Variants in PCBP3 observed in about 807,000 individuals in gnomAD.
PCBP3 encodes the protein poly(rC) binding protein 3.
A neutral mutation model predicts 52.7 loss-of-function variants in PCBP3; 25 were observed. The observed-to-expected ratio is 0.47, with a 90% CI of 0.35 to 0.66. The LOEUF (loss-of-function observed/expected upper bound fraction) is 0.66. Among genes scored for constraint, PCBP3 ranks in the 30% least tolerant of loss-of-function variants. The pLI, the probability that PCBP3 is intolerant of heterozygous loss-of-function variation, is 0.01. For synonymous variants in PCBP3, 162 were observed against 183.0 expected (o/e 0.89, Z 0.93); for missense variants, 391 against 490.3 (o/e 0.80, Z 1.91).
chr21:45,654,578 A>T (rs2079893991), intron 1 of PCBP3, among the ~76,000 whole-genome samples: 1 of 152,136 alleles, frequency 6.6e-6, no homozygotes, highest in Non-Finnish European at 1.5e-5. Flanking sequence ...TGACCTCGTG[A>T]TCTGCCCACC....
chr21:45,780,806 G>A lies in PCBP3; in HGVS notation c.-126+25354G>A, dbSNP rs181976052. 2.6e-4 allele frequency among the ~76,000 whole-genome samples: 40 copies of A among 152,332 alleles called. 1 individual carries two copies. The highest frequency in any genetic ancestry group is 2.2e-3 in the Admixed American group (34 of 15,304). ...GCAGGTGGGGAGCAAGAGAGAGAGA[G>A]AGCCAGGGACCGATGCGCCAACACT... is the stretch of plus-strand genomic sequence containing the variant. On this transcript the variant is annotated intron_variant, in intron 4 of 17. Coordinates refer to ENST00000681687, the MANE Select transcript of PCBP3 (RefSeq NM_001384156.1).
In PCBP3 at chr21:45,710,854, C is replaced by T. The variant is rs117661702; in HGVS notation, c.-199-24538C>T. 1.8e-3 allele frequency among the ~76,000 whole-genome samples: 270 copies of T among 152,266 alleles called. 2 individuals are homozygous for T. The East Asian group carries it at 0.043, about 24-fold the overall frequency. ...AATCATTTATTTATTTAAGCATGAA[C>T]GCATGGATTTAAAAACAATTCTTGG... On this transcript the variant is annotated intron_variant, in intron 2 of 17. Coordinates refer to ENST00000681687, the MANE Select transcript of PCBP3 (RefSeq NM_001384156.1).
At chr21:45,828,374 C>A (rs893429003) in intron 4 of PCBP3, 3 of 152,214 alleles carry the variant, frequency 2.0e-5, no homozygotes, top group Non-Finnish European at 4.4e-5. Context: ...TACTCTCGCT[C>A]TGGATCTGCC....
intron 8 of PCBP3, among the ~76,000 whole-genome samples, 164 bp downstream of exon 8, chr21:45,900,787 C>T (rs1209473974): frequency 6.6e-6 from 1 of 152,196 alleles, no homozygotes; most frequent in Non-Finnish European, 1.5e-5. Context: ...TCCTGTGCTC[C>T]CCTGTGGGGA....
At chr21:45,822,236 A>G (rs890678254) in intron 4 of PCBP3, among the ~76,000 whole-genome samples, 2 of 152,192 alleles carry the variant, frequency 1.3e-5, no homozygotes, top group African/African-American at 4.8e-5. Context: ...CCTGGGAGCC[A>G]TCGGGGTCCT....
At chr21:45,749,480 A>G (rs1453790616) in intron 3 of PCBP3, 3 of 152,252 alleles carry the variant, frequency 2.0e-5, no homozygotes, top group African/African-American at 4.8e-5. Context: ...GAGAAGGTAC[A>G]AAGGAAGCCA....
In PCBP3 at chr21:45,698,171, C is replaced by A. The variant is rs566305294; in HGVS notation, c.-200+29219C>A. 1.1e-4 allele frequency among the ~76,000 whole-genome samples: 16 copies of A among 152,314 alleles called. No homozygotes were observed. The South Asian group carries it at 2.9e-3, about 28-fold the overall frequency. ...TACTGCAACATCCCTATGTGCCAGG[C>A]CTGTTCCACAGACTCTCCAAGATTA... is the stretch of plus-strand genomic sequence containing the variant. On this transcript the variant is annotated intron_variant, in intron 2 of 17. Transcript: ENST00000681687.
chr21:45,831,742 G>A (rs529145677), intron 4 of PCBP3, among the ~76,000 whole-genome samples: 15 of 152,264 alleles, frequency 9.9e-5, no homozygotes, highest in African/African-American at 1.9e-4. Context: ...ACAGAGTTTC[G>A]CTCTGTCGCC....
intron 1 of PCBP3, among the ~76,000 whole-genome samples, chr21:45,662,127 T>G (rs2080433338): frequency 1.3e-5 from 2 of 152,088 alleles, no homozygotes; most frequent in South Asian, 2.1e-4. Flanking sequence ...TGTAGACACT[T>G]TTAAGTTATT....
chr21:45,785,305 C>G (rs1261499521), intron 4 of PCBP3, among the ~76,000 whole-genome samples: 1 of 150,888 alleles, frequency 6.6e-6, no homozygotes, highest in African/African-American at 2.4e-5. Context: ...GGTCAGCCCC[C>G]CGCCCGGCCA....
rs902856760 is a variant in PCBP3, at chr21:45,735,745, A to G, written c.-162+316A>G. Reference sequence around the variant, plus strand: ...GTAGACCAGCAGGAGCTGGAGGGCCAGTTGTTAGTGCACTTGGAGCCTACT... The same window carrying G: ...GTAGACCAGCAGGAGCTGGAGGGCCGGTTGTTAGTGCACTTGGAGCCTACT... On this transcript the variant is annotated intron_variant, in intron 3 of 17. Coordinates refer to ENST00000681687, the MANE Select transcript of PCBP3 (RefSeq NM_001384156.1). The surrounding 1 kb of genome is among the most constrained non-coding windows in gnomAD (Gnocchi z 4.0). 1.3e-5 allele frequency among the ~76,000 whole-genome samples: 2 copies of G among 152,210 alleles called. No homozygotes were observed. Among genetic ancestry groups the G allele is most frequent in the Non-Finnish European group, 2.9e-5 (2 of 68,034 alleles).
intron 2 of PCBP3, among the ~76,000 whole-genome samples, chr21:45,669,427 G>A (rs2081005310): frequency 1.3e-5 from 2 of 151,810 alleles, no homozygotes; most frequent in South Asian, 4.2e-4. Flanking sequence ...TAAAATTTTA[G>A]TTAAACATAT....
At chr21:45,688,731 G>A (rs182383640) in intron 2 of PCBP3, among the ~76,000 whole-genome samples, 33 of 152,034 alleles carry the variant, frequency 2.2e-4, no homozygotes, top group African/African-American at 7.5e-4. Context: ...CTGATCAGGA[G>A]AAGAGAAGAA....
intron 15 of PCBP3, among the ~76,000 whole-genome samples, chr21:45,934,926 C>T (rs961468272): frequency 6.6e-6 from 1 of 152,154 alleles, no homozygotes; most frequent in African/African-American, 2.4e-5. Context: ...AGCCAGGGGC[C>T]CACCAGGGTG....
chr21:45,859,449 GCTT>G (rs2094432848), intron 5 of PCBP3, among the ~76,000 whole-genome samples: 1 of 152,196 alleles, frequency 6.6e-6, no homozygotes, highest in African/African-American at 2.4e-5. Flanking sequence ...CCCATTTACT[GCTT>G]CAGAGCCCCT....
chr21:45,733,935 T>C (rs2085654882), intron 2 of PCBP3, among the ~76,000 whole-genome samples: 1 of 152,248 alleles, frequency 6.6e-6, no homozygotes, highest in Admixed American at 6.5e-5. Context: ...GTTTGTATCT[T>C]ACTGATCAAC....
At chr21:45,661,699 T>C (rs955195925) in intron 1 of PCBP3, among the ~76,000 whole-genome samples, 1 of 152,202 alleles carries the variant, frequency 6.6e-6, no homozygotes, top group Non-Finnish European at 1.5e-5. Flanking sequence ...CAAATGGTAG[T>C]TCTATTTCTA....
At chr21:45,934,694 G>A (rs1191648957) in intron 15 of PCBP3, among the ~76,000 whole-genome samples, 1 of 152,222 alleles carries the variant, frequency 6.6e-6, no homozygotes, top group Non-Finnish European at 1.5e-5. Flanking sequence ...ATCAGAATGA[G>A]AGGCAACTTT....
intron 4 of PCBP3, among the ~76,000 whole-genome samples, chr21:45,758,365 A>G (rs1189886270): frequency 3.9e-5 from 6 of 152,238 alleles, no homozygotes; most frequent in Admixed American, 2.0e-4. Context: ...CAGATCTGAC[A>G]GTGATTGCCT....
Sources: allele counts gnomAD v4.1 joint callset (sites outside exome capture counted in the v4.1 genomes callset), GRCh38; gene constraint gnomAD v4.1.1; non-coding constraint Gnocchi (gnomAD v3.1); transcripts MANE v1.5; gene names NCBI Gene and HGNC (gene_info 2026-07-23, HGNC 2026-07-21).